STK32B: variants seen among roughly 807,000 people sequenced by gnomAD.
The protein encoded by STK32B is serine/threonine kinase 32B.
In STK32B, 43 loss-of-function variants were observed where a neutral mutation model predicts 52.6. The ratio of observed to expected loss-of-function variants is 0.82; its 90% CI spans 0.64 to 1.05. STK32B has a LOEUF of 1.05. STK32B is among the 50% of genes least tolerant of loss of function. The pLI, the probability that STK32B is intolerant of heterozygous loss-of-function variation, is 0.00. For missense variants in STK32B, 621 were observed against 534.6 expected, an observed-to-expected ratio of 1.16 and a Z score of -1.59; for synonymous variants, 238 against 204.3, an observed-to-expected ratio of 1.17 and a Z score of -1.41.
intron 3 of STK32B, chr4:5,204,305 G>A (rs1722388708): frequency 6.5e-6 from 1 of 153,178 alleles, no homozygotes; most frequent in Middle Eastern, 3.1e-3. Flanking sequence ...CTGGGCTGCA[G>A]ATGGGGAAAC....
chr4:5,302,089 G>T (rs1729599544), intron 3 of STK32B, among the ~76,000 whole-genome samples: 3 of 149,778 alleles, frequency 2.0e-5, no homozygotes, highest in African/African-American at 4.9e-5. Flanking sequence ...CTGTATTTTT[G>T]AGTTATTTTC....
At chr4:5,316,413 T>A (rs1425643213) in intron 3 of STK32B, among the ~76,000 whole-genome samples, 10 of 27,252 alleles carry the variant, frequency 3.7e-4, no homozygotes, top group African/African-American at 3.6e-3. Flanking sequence ...TAATATATAA[T>A]ATATATTACA....
chr4:5,496,879 G>T (rs958455483), intron 11 of STK32B, among the ~76,000 whole-genome samples: 4 of 151,850 alleles, frequency 2.6e-5, no homozygotes, highest in Non-Finnish European at 5.9e-5. Context: ...GTTCTTCATA[G>T]ATATTATGTC....
At chr4:5,246,977 G>A (rs563410760) in intron 3 of STK32B, among the ~76,000 whole-genome samples, 18 of 152,144 alleles carry the variant, frequency 1.2e-4, no homozygotes, top group South Asian at 2.1e-4. Context: ...GTGCCGGTCC[G>A]CCCCTACTGG....
chr4:5,279,381 C>G (rs1728046508), intron 3 of STK32B, among the ~76,000 whole-genome samples: 1 of 152,156 alleles, frequency 6.6e-6, no homozygotes, highest in African/African-American at 2.4e-5. Context: ...AATAATCTTC[C>G]TCGACTCCAT....
the STK32B span, among the ~76,000 whole-genome samples, chr4:5,022,864 GA>G: frequency 6.6e-6 from 1 of 152,202 alleles, no homozygotes; most frequent in African/African-American, 2.4e-5. Context: ...GAGGGCAGCT[GA>G]CACTCTGGGT....
At chr4:5,206,539 G>C (rs1722587480) in intron 3 of STK32B, among the ~76,000 whole-genome samples, 1 of 152,160 alleles carries the variant, frequency 6.6e-6, no homozygotes, top group Non-Finnish European at 1.5e-5. Context: ...CCTCTCAGTA[G>C]TGGTGGCTGC....
chr4:5,244,913 C>G (rs1002115326), intron 3 of STK32B, among the ~76,000 whole-genome samples: 6 of 152,174 alleles, frequency 3.9e-5, no homozygotes, highest in African/African-American at 1.4e-4. Context: ...ATCCTGAGTT[C>G]TAGTTTGATT....
At chr4:5,043,852 TCG>T in the STK32B span, among the ~76,000 whole-genome samples, 1 of 152,206 alleles carries the variant, frequency 6.6e-6, no homozygotes, top group Non-Finnish European at 1.5e-5. Context: ...ACCTGTCTTC[TCG>T]GGCTCCCAGC....
chr4:5,317,300 ATAAT>A (rs1367102433), intron 3 of STK32B, among the ~76,000 whole-genome samples: 1 of 40,256 alleles, frequency 2.5e-5, no homozygotes, highest in Non-Finnish European at 3.6e-5. Flanking sequence ...TATATAATAT[ATAAT>A]ATATAACATA....
intron 3 of STK32B, among the ~76,000 whole-genome samples, chr4:5,259,604 A>C (rs1335563588): frequency 1.3e-5 from 2 of 152,328 alleles, no homozygotes; most frequent in East Asian, 3.9e-4. Flanking sequence ...AAGCACTCAT[A>C]ATATTGCCAG....
At chr4:5,450,625 C>T (rs555130416) in intron 7 of STK32B, among the ~76,000 whole-genome samples, 1 of 152,176 alleles carries the variant, frequency 6.6e-6, no homozygotes, top group Non-Finnish European at 1.5e-5. Context: ...ATCTGGGATC[C>T]TAAGCAAGGC....
At chr4:5,267,777 G>A (rs1727150361) in intron 3 of STK32B, among the ~76,000 whole-genome samples, 1 of 152,152 alleles carries the variant, frequency 6.6e-6, no homozygotes, top group Non-Finnish European at 1.5e-5. Flanking sequence ...ATTGTAAATG[G>A]CAACCCACTC....
Position 5,469,450 on chromosome 4 carries a change from C to G in STK32B, c.1106+1380C>G, listed in dbSNP as rs1000295688. ...GACATGTAGGGGAAAACGCGGCATT[C>G]CAGGAGTAGGAAAAGTGCACAGAGA... On this transcript the variant is annotated intron_variant, in intron 11 of 11. Coordinates refer to ENST00000282908, the MANE Select transcript of STK32B (RefSeq NM_018401.3). This position sits in a 1 kb window ranked among gnomAD's most constrained non-coding sequence, Gnocchi z 4.7. 6.6e-6 allele frequency among the ~76,000 whole-genome samples: 1 copy of G among 152,126 alleles called. No homozygotes were observed. Among genetic ancestry groups the G allele is most frequent in the African/African-American group, 2.4e-5 (1 of 41,420 alleles).
At chr4:5,038,361 G>A in the STK32B span, among the ~76,000 whole-genome samples, 1 of 152,192 alleles carries the variant, frequency 6.6e-6, no homozygotes, top group Non-Finnish European at 1.5e-5. Flanking sequence ...TCAAAACATA[G>A]TCATGCATTG....
intron 4 of STK32B, among the ~76,000 whole-genome samples, chr4:5,346,009 T>C (rs1197118739): frequency 6.6e-6 from 1 of 152,224 alleles, no homozygotes; most frequent in Admixed American, 6.5e-5. Context: ...TGTTCCTATA[T>C]TGAAATGCTT....
chr4:5,351,845 A>G (rs1476823102), intron 4 of STK32B, among the ~76,000 whole-genome samples: 2 of 152,068 alleles, frequency 1.3e-5, no homozygotes, highest in African/African-American at 4.8e-5. Flanking sequence ...AACAAACTAA[A>G]AAACCTAAAG....
At chr4:5,081,696 A>C (rs890703281) in intron 1 of STK32B, among the ~76,000 whole-genome samples, 4 of 151,866 alleles carry the variant, frequency 2.6e-5, no homozygotes, top group African/African-American at 9.7e-5. Context: ...CATTTCGTTC[A>C]TCATATTCTT....
intron 2 of STK32B, among the ~76,000 whole-genome samples, chr4:5,142,223 A>C (rs979106853): frequency 1.3e-5 from 2 of 152,228 alleles, no homozygotes; most frequent in African/African-American, 2.4e-5. Context: ...CTTATGGGGT[A>C]GATGGTTGTA....
Sources: gnomAD v4.1 joint callset for allele counts (sites outside exome capture counted in the v4.1 genomes callset) on GRCh38, gnomAD v4.1.1 for gene constraint, Gnocchi (gnomAD v3.1) non-coding constraint, MANE v1.5 for transcripts, NCBI Gene and HGNC (gene_info 2026-07-23, HGNC 2026-07-21) for gene names.